Variants in SMYD3 observed in about 807,000 individuals in gnomAD.
SMYD3 encodes the protein histone-lysine N-methyltransferase SMYD3.
A neutral mutation model predicts 57.7 loss-of-function variants in SMYD3; 36 were observed. That is an observed-to-expected ratio of 0.62 (90% CI 0.48 to 0.82). The LOEUF (loss-of-function observed/expected upper bound fraction) is 0.82, where lower values mean the gene tolerates loss of function less well. Ranked by LOEUF, SMYD3 falls within the 40% of genes least tolerant of loss-of-function variation. The probability of loss-of-function intolerance (pLI) is 0.00; values close to 1 mark genes in which losing one functional copy is unlikely to be tolerated. For missense variants in SMYD3, 515 were observed against 538.8 expected, an observed-to-expected ratio of 0.96 and a Z score of 0.44; for synonymous variants, 211 against 195.0, an observed-to-expected ratio of 1.08 and a Z score of -0.68.
chr1:245,867,647 CGCGTGCGTGTGCGT>C (rs60369614), intron 8 of SMYD3, among the ~76,000 whole-genome samples: 68,327 of 141,150 alleles, frequency 0.48, 18,176 homozygotes, highest in Non-Finnish European at 0.63. Context: ...TATGTGCATG[CGCGTGCGTGTGCGT>C]GCGCGCGCAC....
At position 245,927,914 on chromosome 1, in the gene SMYD3, A is replaced by G. The variant is rs775947540; in HGVS notation, c.702+17T>C. On this transcript the variant is annotated intron_variant, in intron 7 of 11. Coordinates refer to ENST00000490107, the MANE Select transcript of SMYD3 (RefSeq NM_001167740.2). The stretch of plus-strand genomic sequence containing the variant: ...GATAGGAAAGAAGGCCAGGCTGGGA[A>G]GCATGAGTTTCCTTACCTCCTCTCC... 3.1e-6 allele frequency: 5 copies of G among 1,599,174 alleles called. No homozygotes were observed. The highest frequency in any genetic ancestry group is 4.3e-6 in the Non-Finnish European group (5 of 1,169,862).
intron 5 of SMYD3, among the ~76,000 whole-genome samples, chr1:245,993,234 T>C (rs933207771): frequency 3.3e-4 from 50 of 152,288 alleles, no homozygotes; most frequent in Admixed American, 9.8e-4. Flanking sequence ...CTGAGAAGAC[T>C]GAAGCAAAGA....
chr1:246,422,485 C>T (rs2067158264), intron 1 of SMYD3, among the ~76,000 whole-genome samples: 1 of 152,022 alleles, frequency 6.6e-6, no homozygotes, highest in African/African-American at 2.4e-5. Flanking sequence ...AGTGCAGTGG[C>T]ATGATCTCAG....
At chr1:245,978,599 G>C (rs532849302) in intron 5 of SMYD3, among the ~76,000 whole-genome samples, 10 of 152,256 alleles carry the variant, frequency 6.6e-5, no homozygotes, top group African/African-American at 2.4e-4. Context: ...ATTTCAAAAG[G>C]TTTTTCCCTG....
intron 5 of SMYD3, among the ~76,000 whole-genome samples, chr1:246,312,460 T>C (rs1357913013): frequency 6.6e-6 from 1 of 152,060 alleles, no homozygotes; most frequent in Non-Finnish European, 1.5e-5. Flanking sequence ...AAGAGATCTT[T>C]AAAAGCAGCA....
At position 246,161,317 on chromosome 1, in the gene SMYD3, G is replaced by A. The variant is rs1371367456; in HGVS notation, c.531+165884C>T. On this transcript the variant is annotated intron_variant, in intron 5 of 11. Transcript: ENST00000490107. ...GCACTTCAAACTCACTGAGGACTGA[G>A]TGACTTACAGTTTTCTCTGTGTGCT... Among the ~76,000 whole-genome samples the A allele has an allele frequency of 3.9e-5, 6 of 152,328 alleles. No homozygotes were observed. In the South Asian group the frequency reaches 6.2e-4, roughly 16 times the overall value.
chr1:245,949,742 C>A (rs2057553478), intron 5 of SMYD3, among the ~76,000 whole-genome samples: 1 of 151,998 alleles, frequency 6.6e-6, no homozygotes, highest in African/African-American at 2.4e-5. Flanking sequence ...CTGGGAGGCA[C>A]AGGTTGCAGT....
intron 1 of SMYD3, among the ~76,000 whole-genome samples, chr1:246,400,275 C>G (rs922785894): frequency 2.0e-5 from 3 of 152,230 alleles, no homozygotes; most frequent in Non-Finnish European, 4.4e-5. Flanking sequence ...CTTCACAAAG[C>G]TTAGTCTAGC....
chr1:246,002,309 C>CA (rs1285596014), intron 5 of SMYD3, among the ~76,000 whole-genome samples: 1 of 92,634 alleles, frequency 1.1e-5, no homozygotes, highest in Non-Finnish European at 2.7e-5. Flanking sequence ...CTCAGCCTCC[C>CA]GAGTAGCTGG....
At chr1:245,843,435 AT>A (rs1388842849) in intron 10 of SMYD3, among the ~76,000 whole-genome samples, 2 of 152,224 alleles carry the variant, frequency 1.3e-5, no homozygotes, top group East Asian at 3.8e-4. Context: ...AGTTAAAAAA[AT>A]AAAATAAAAT....
chr1:246,420,196 C>CAAAAAAA (rs58293193), intron 1 of SMYD3, among the ~76,000 whole-genome samples: 1 of 112,542 alleles, frequency 8.9e-6, no homozygotes, highest in Non-Finnish European at 1.9e-5. Context: ...AAGACTGTCT[C>CAAAAAAA]AAAAAAAAAA....
At chr1:245,833,073 A>AAAAAAAAAAACAAAAAAAAACACAAC in intron 10 of SMYD3, among the ~76,000 whole-genome samples, 1 of 128,652 alleles carries the variant, frequency 7.8e-6, no homozygotes, top group Non-Finnish European at 1.6e-5. Context: ...AAAAAAAAAA[A>AAAAAAAAAAACAAAAAAAAACACAAC]AACCTGCTTT....
intron 5 of SMYD3, among the ~76,000 whole-genome samples, chr1:246,069,754 G>C (rs892627762): frequency 3.3e-5 from 5 of 152,150 alleles, no homozygotes; most frequent in Non-Finnish European, 5.9e-5. Context: ...GCAGCAGCAG[G>C]CTCACTCCTC....
chr1:245,753,464 C>T (rs989351960), intron 11 of SMYD3, among the ~76,000 whole-genome samples: 5 of 152,202 alleles, frequency 3.3e-5, no homozygotes, highest in African/African-American at 1.2e-4. Context: ...AATGGTGTGA[C>T]ACAGGTCAGC....
intron 5 of SMYD3, among the ~76,000 whole-genome samples, chr1:246,053,553 T>C (rs1025981666): frequency 1.3e-5 from 2 of 152,118 alleles, no homozygotes; most frequent in African/African-American, 4.8e-5. Context: ...GGCAATTTAA[T>C]GGAGAAAGGA....
At chr1:246,304,554 TAA>T (rs2148620241) in intron 5 of SMYD3, among the ~76,000 whole-genome samples, 1 of 152,278 alleles carries the variant, frequency 6.6e-6, no homozygotes, top group African/African-American at 2.4e-5. Flanking sequence ...AAAGGTATCA[TAA>T]AGATTTTGAT....
At chr1:246,049,993 C>G (rs1377262243) in intron 5 of SMYD3, among the ~76,000 whole-genome samples, 1 of 152,068 alleles carries the variant, frequency 6.6e-6, no homozygotes, top group African/African-American at 2.4e-5. Context: ...ACTATAATAT[C>G]AAAAAGCAGT....
chr1:246,281,039 T>C (rs560343263), intron 5 of SMYD3, among the ~76,000 whole-genome samples: 1 of 152,232 alleles, frequency 6.6e-6, no homozygotes, highest in Non-Finnish European at 1.5e-5. Context: ...ATGCACTCAA[T>C]AGACATTTAC....
chr1:246,498,425 A>G (rs2068401279), intron 1 of SMYD3, among the ~76,000 whole-genome samples: 1 of 152,226 alleles, frequency 6.6e-6, no homozygotes, highest in Non-Finnish European at 1.5e-5. Context: ...TGCAAAACTA[A>G]GAATGGAAAA....
Sources: gnomAD v4.1 joint callset for allele counts (sites outside exome capture counted in the v4.1 genomes callset) on GRCh38, gnomAD v4.1.1 for gene constraint, MANE v1.5 for transcripts, NCBI Gene and HGNC (gene_info 2026-07-23, HGNC 2026-07-21) for gene names.